Variants in ADGRA1 observed in about 807,000 individuals in gnomAD.
ADGRA1 encodes adhesion G protein-coupled receptor A1.
Under a neutral mutation model 21.3 loss-of-function variants are expected in ADGRA1, and 12 were observed. The observed-to-expected ratio is 0.56, with a 90% CI of 0.36 to 0.91. The LOEUF (loss-of-function observed/expected upper bound fraction) is 0.91, where lower values mean the gene tolerates loss of function less well. Ranked by LOEUF, ADGRA1 falls within the 40% of genes least tolerant of loss-of-function variation. The pLI, the probability that ADGRA1 is intolerant of heterozygous loss-of-function variation, is 0.01. For synonymous variants in ADGRA1, 385 were observed against 368.8 expected (o/e 1.04, Z -0.50); for missense variants, 790 against 805.6 (o/e 0.98, Z 0.23).
At chr10:133,114,250 A>G (rs936186994) in intron 5 of ADGRA1, among the ~76,000 whole-genome samples, 2 of 152,182 alleles carry the variant, frequency 1.3e-5, no homozygotes, top group Non-Finnish European at 2.9e-5. Flanking sequence ...GGGTCCAGGG[A>G]TGGTACCTCG....
rs369051397 is a variant in ADGRA1, at chr10:133,102,850, G to A, written c.401+8G>A. ...CAGGCAGCCCCTGCTCAGGTACTGA[G>A]TGCACATGGGCGCGAGGCCCCGCCA... On this transcript the variant is annotated splice_region_variant and intron_variant, in intron 5 of 6. Coordinates refer to ENST00000392607, the MANE Select transcript of ADGRA1 (RefSeq NM_001083909.3). 135 of 1,599,552 alleles carry A rather than the reference G, an allele frequency of 8.4e-5. No individual in the cohort carries two copies. The highest frequency in any genetic ancestry group is 1.0e-4 in the Non-Finnish European group (120 of 1,169,006).
chr10:133,098,147 G>T (rs866497770), intron 3 of ADGRA1, among the ~76,000 whole-genome samples: 1 of 152,202 alleles, frequency 6.6e-6, no homozygotes, highest in Non-Finnish European at 1.5e-5. Flanking sequence ...CCCAGACATG[G>T]TGGTGGTCAT....
At chr10:133,111,052 CACCTGCCCTCCTAATCCTGCCA>C (rs1851981419) in intron 5 of ADGRA1, among the ~76,000 whole-genome samples, 1 of 151,306 alleles carries the variant, frequency 6.6e-6, no homozygotes, top group African/African-American at 2.4e-5. Flanking sequence ...CCACCAGGGA[CACCTGCCCTCCTAATCCTGCCA>C]AGCCACCTGC....
At chr10:133,113,226 G>GGT (rs1852095994) in intron 5 of ADGRA1, among the ~76,000 whole-genome samples, 1 of 151,848 alleles carries the variant, frequency 6.6e-6, no homozygotes, top group South Asian at 2.1e-4. Context: ...TGCGGGCCGC[G>GGT]TCAGTTATTT....
chr10:133,123,321 A>G (rs761775), intron 5 of ADGRA1, among the ~76,000 whole-genome samples: 115,688 of 152,178 alleles, frequency 0.76, 44,901 homozygotes, highest in African/African-American at 0.93. Context: ...ACTGACGGGC[A>G]GGAGCCTGTG....
Position 133,102,905 on chromosome 10 carries a change from T to C in ADGRA1, c.401+63T>C. ...GGCCCTGGACGCTGCATGCACCTTC[T>C]GGGTCTTGGCAAACCTTCTCACCAG... On this transcript the variant is annotated intron_variant, in intron 5 of 6. Coordinates refer to ENST00000392607, the MANE Select transcript of ADGRA1 (RefSeq NM_001083909.3). 10 of 1,539,992 alleles carry C rather than the reference T, an allele frequency of 6.5e-6. No homozygotes were observed. In the South Asian group the frequency reaches 1.2e-4, roughly 18 times the overall value.
chr10:133,116,268 T>C (rs1261254920), intron 5 of ADGRA1, among the ~76,000 whole-genome samples: 1 of 152,162 alleles, frequency 6.6e-6, no homozygotes, highest in Non-Finnish European at 1.5e-5. Context: ...CCGCAGGGCC[T>C]GTGCCTTCGC....
chr10:133,090,838 A>G (rs1851586426), intron 2 of ADGRA1, among the ~76,000 whole-genome samples: 1 of 152,184 alleles, frequency 6.6e-6, no homozygotes, highest in Non-Finnish European at 1.5e-5. Context: ...CAAAGGCATG[A>G]GTCAGCCCTG....
intron 5 of ADGRA1, among the ~76,000 whole-genome samples, chr10:133,103,872 G>T (rs1225551423): frequency 6.6e-6 from 1 of 152,210 alleles, no homozygotes; most frequent in Non-Finnish European, 1.5e-5. Context: ...TCGAGGCCTT[G>T]GGTGCCTACC....
In ADGRA1 at chr10:133,088,764, C is replaced by G. The variant is rs1179826364; in HGVS notation, c.-146C>G. ...GCCGCGGTCACCCTGAGGCCAGGGG[C>G]CCGGGAGCGCGACCTCCTGGCCGCC... On this transcript the variant is annotated 5_prime_UTR_variant, in exon 2 of 7. Coordinates refer to ENST00000392607, the MANE Select transcript of ADGRA1 (RefSeq NM_001083909.3). The G allele has an allele frequency of 4.1e-6, 5 of 1,231,470 alleles. No homozygotes were observed. Among genetic ancestry groups the G allele is most frequent in the Non-Finnish European group, 5.1e-6 (5 of 987,710 alleles). The allele number at this position is 1,231,470 out of a possible 1,614,324, so 76.3% of individuals were successfully genotyped here.
intron 5 of ADGRA1, among the ~76,000 whole-genome samples, chr10:133,118,276 G>C (rs1852193467): frequency 6.6e-6 from 1 of 152,132 alleles, no homozygotes; most frequent in Admixed American, 6.5e-5. Context: ...TTTAAGTTAA[G>C]GTACGTACGT....
chr10:133,128,837 G>A lies in ADGRA1; in HGVS notation c.1009G>A (p.Ala337Thr), dbSNP rs766816963. Reference sequence around the variant, plus strand: ...CCCCGCACTTGACGCCAACGGGGCCGCGCTGGGCCGCGCCGCCTGCCTGCA... The same window carrying A: ...CCCCGCACTTGACGCCAACGGGGCCACGCTGGGCCGCGCCGCCTGCCTGCA... ...AHPALDANGAALGRAACLHSP... is the reference protein window; with the variant it reads ...AHPALDANGATLGRAACLHSP... Residue 337 changes from alanine to threonine, a missense_variant, in exon 7 of 7, where the codon GCG becomes ACG. Physicochemically the swap from Ala to Thr is moderately conservative, Grantham distance 58. This residue lies in a region of ADGRA1 where 391 missense variants were observed against 351.5 expected (regional missense o/e 1.11). Coordinates refer to ENST00000392607, the MANE Select transcript of ADGRA1 (RefSeq NM_001083909.3). 21 of 1,592,124 alleles carry A rather than the reference G, an allele frequency of 1.3e-5. No homozygotes were observed. The highest frequency in any genetic ancestry group is 4.0e-5 in the African/African-American group (3 of 74,288).
At chr10:133,095,981 G>T (rs1453176427) in intron 2 of ADGRA1, among the ~76,000 whole-genome samples, 2 of 150,030 alleles carry the variant, frequency 1.3e-5, no homozygotes, top group African/African-American at 4.9e-5. Context: ...GAGGGGCCAG[G>T]CGGCTGCAGC....
intron 4 of ADGRA1, among the ~76,000 whole-genome samples, chr10:133,101,782 G>A (rs1179305116): frequency 3.3e-5 from 5 of 152,184 alleles, no homozygotes; most frequent in Non-Finnish European, 7.4e-5. Context: ...CCGGGGGAAA[G>A]GGTGGAGCCC....
At chr10:133,102,226 A>C (rs1158624218) in intron 4 of ADGRA1, 1 of 460,758 alleles carries the variant, frequency 2.2e-6, no homozygotes, top group Non-Finnish European at 4.4e-6. Context: ...GGCGACCTGC[A>C]GGGCCACACG....
At chr10:133,124,573 G>A (rs938300496) in intron 5 of ADGRA1, among the ~76,000 whole-genome samples, 5 of 152,224 alleles carry the variant, frequency 3.3e-5, no homozygotes, top group East Asian at 3.8e-4. Context: ...ATTCCCCGAC[G>A]CCCAGAGTCT....
At chr10:133,096,633 C>T (rs111248266) in intron 2 of ADGRA1, among the ~76,000 whole-genome samples, 2,627 of 152,316 alleles carry the variant, frequency 0.017, 35 homozygotes, top group African/African-American at 0.032. Flanking sequence ...CCGCAGGCCA[C>T]GGGAAGAGAG....
At chr10:133,118,410 TTA>T (rs1852195829) in intron 5 of ADGRA1, among the ~76,000 whole-genome samples, 1 of 152,098 alleles carries the variant, frequency 6.6e-6, no homozygotes, top group Non-Finnish European at 1.5e-5. Context: ...AGTGGGTAAT[TTA>T]TAAAGGAAAG....
chr10:133,114,623 T>C (rs1040912674), intron 5 of ADGRA1, among the ~76,000 whole-genome samples: 2 of 151,758 alleles, frequency 1.3e-5, no homozygotes, highest in Non-Finnish European at 2.9e-5. Context: ...CGAGGCTCAC[T>C]GGTGACTTTC....
Sources: allele counts gnomAD v4.1 joint callset (sites outside exome capture counted in the v4.1 genomes callset), GRCh38; gene constraint gnomAD v4.1.1; regional missense constraint gnomAD v4.1.1; transcripts MANE v1.5; gene names NCBI Gene and HGNC (gene_info 2026-07-23, HGNC 2026-07-21).